The following PTPRT variants were observed in gnomAD, a reference collection of about 807,000 sequenced individuals.
PTPRT encodes the protein protein tyrosine phosphatase receptor type T, also known as receptor-type tyrosine-protein phosphatase T.
Under a neutral mutation model 176.8 loss-of-function variants are expected in PTPRT, and 56 were observed. The observed-to-expected ratio is 0.32, with a 90% CI of 0.26 to 0.40. The LOEUF is 0.40. Among genes scored for constraint, PTPRT ranks in the 10% least tolerant of loss-of-function variants. The pLI is 1.00. For synonymous variants in PTPRT, 783 were observed against 739.0 expected (o/e 1.06, Z -0.96); for missense variants, 1,540 against 1,908.2 (o/e 0.81, Z 3.60).
In PTPRT at chr20:42,610,619, T is replaced by C. The variant is rs1048261509; in HGVS notation, c.1153+67247A>G. On this transcript the variant is annotated intron_variant, in intron 7 of 30. Coordinates refer to ENST00000373187, the MANE Select transcript of PTPRT (RefSeq NM_007050.6). ...AGGAAGGGGTTTAGAATTATATAAA[T>C]AAGTCACCTGCTTGTGTGTCAGGCA... Among the ~76,000 whole-genome samples, 9 of 152,290 alleles carry C rather than the reference T, an allele frequency of 5.9e-5. No homozygotes were observed. In the East Asian group the frequency reaches 9.7e-4, roughly 16 times the overall value.
At chr20:42,769,264 G>T (rs1457668486) in intron 5 of PTPRT, among the ~76,000 whole-genome samples, 1 of 152,132 alleles carries the variant, frequency 6.6e-6, no homozygotes, top group African/African-American at 2.4e-5. Context: ...TATGCCCAAG[G>T]ATTTTTCTAA....
chr20:42,456,202 G>T (rs1421685881), intron 8 of PTPRT, among the ~76,000 whole-genome samples: 3 of 151,872 alleles, frequency 2.0e-5, no homozygotes, highest in East Asian at 1.9e-4. Context: ...CCACATACTT[G>T]TTAGGTTAAT....
At chr20:42,277,373 C>T (rs905354977) in intron 13 of PTPRT, among the ~76,000 whole-genome samples, 5 of 152,142 alleles carry the variant, frequency 3.3e-5, no homozygotes, top group Admixed American at 1.3e-4. Flanking sequence ...GCGCACCCAG[C>T]GGGAGTCTGC....
chr20:42,636,476 C>A (rs1016553417), intron 7 of PTPRT, among the ~76,000 whole-genome samples: 1 of 151,916 alleles, frequency 6.6e-6, no homozygotes, highest in Non-Finnish European at 1.5e-5. Flanking sequence ...TTTAAGAATG[C>A]CATTGGGAGG....
intron 7 of PTPRT, among the ~76,000 whole-genome samples, chr20:42,627,159 C>T (rs2074306522): frequency 6.6e-6 from 1 of 151,866 alleles, no homozygotes; most frequent in Non-Finnish European, 1.5e-5. Context: ...TTTCTTCATG[C>T]TTAAAGTCTC....
intron 2 of PTPRT, among the ~76,000 whole-genome samples, chr20:42,862,827 G>A (rs2078685022): frequency 6.6e-6 from 1 of 152,134 alleles, no homozygotes; most frequent in African/African-American, 2.4e-5. Flanking sequence ...ACCCTCTTAG[G>A]GACTGGGTGG....
At chr20:42,723,079 C>A (rs1296812192) in intron 6 of PTPRT, among the ~76,000 whole-genome samples, 2 of 152,078 alleles carry the variant, frequency 1.3e-5, no homozygotes, top group Admixed American at 1.3e-4. Context: ...AGAATGTCTT[C>A]CTAGGGGTAA....
rs907877006 is a variant in PTPRT at position 42,282,672 on chromosome 20, T to A, written c.2140-147A>T. 7.6e-6 allele frequency: 5 copies of A among 655,066 alleles called. No homozygotes were observed. In the African/African-American group the frequency reaches 9.4e-5, roughly 12 times the overall value. 40.6% of individuals were successfully genotyped at this position (655,066 alleles called of 1,614,324 possible). On this transcript the variant is annotated intron_variant, in intron 12 of 30. Coordinates refer to ENST00000373187, the MANE Select transcript of PTPRT (RefSeq NM_007050.6). Reference sequence around the variant, plus strand: ...TTTTAAATTTGCCCTTTCCATTTTTTTCCCCATCGGATGACCTTTTAATTC... The same window carrying A: ...TTTTAAATTTGCCCTTTCCATTTTTATCCCCATCGGATGACCTTTTAATTC...
intron 2 of PTPRT, among the ~76,000 whole-genome samples, chr20:42,866,715 A>G (rs778842521): frequency 8.5e-5 from 13 of 152,156 alleles, no homozygotes; most frequent in Non-Finnish European, 1.5e-5. Flanking sequence ...CCACATGACC[A>G]TGGTATCCCT....
chr20:42,590,303 C>A (rs1249284100), intron 7 of PTPRT, among the ~76,000 whole-genome samples: 2 of 152,078 alleles, frequency 1.3e-5, no homozygotes, highest in Non-Finnish European at 2.9e-5. Flanking sequence ...AATGAAGCCA[C>A]CTACCTGAGC....
rs752809259 is a variant in PTPRT at position 42,271,389 on chromosome 20, G to A, written c.2176+11100C>T. Reference sequence around the variant, plus strand: ...GTTACCTCTAGGGAGTCTTTAGTACGTCAGTGAATCTGGGACAGATGCCCC... The same window carrying A: ...GTTACCTCTAGGGAGTCTTTAGTACATCAGTGAATCTGGGACAGATGCCCC... On this transcript the variant is annotated intron_variant, in intron 13 of 30. Transcript: ENST00000373187. Among the ~76,000 whole-genome samples the A allele has an allele frequency of 5.3e-5, 8 of 152,322 alleles. No individual in the cohort carries two copies. In the South Asian group the frequency reaches 8.3e-4, roughly 16 times the overall value.
intron 3 of PTPRT, among the ~76,000 whole-genome samples, chr20:42,784,041 T>C (rs2077253587): frequency 1.3e-5 from 2 of 152,168 alleles, no homozygotes; most frequent in African/African-American, 2.4e-5. Flanking sequence ...CTACCATCTA[T>C]TGCACATGCT....
intron 12 of PTPRT, among the ~76,000 whole-genome samples, chr20:42,288,268 G>A (rs889937638): frequency 1.3e-5 from 2 of 151,952 alleles, no homozygotes; most frequent in African/African-American, 4.8e-5. Flanking sequence ...CTCTGCAAAT[G>A]TGAACATTAA....
chr20:42,183,007 C>T (rs1248485129), intron 16 of PTPRT, among the ~76,000 whole-genome samples: 1 of 151,494 alleles, frequency 6.6e-6, no homozygotes, highest in Non-Finnish European at 1.5e-5. Flanking sequence ...CTGATATAGG[C>T]AGAAACAATA....
At chr20:42,450,446 G>A (rs572354007) in intron 8 of PTPRT, among the ~76,000 whole-genome samples, 1 of 152,272 alleles carries the variant, frequency 6.6e-6, no homozygotes, top group South Asian at 2.1e-4. Context: ...GGAGAGTACA[G>A]ATTTTGTTTT....
At chr20:43,096,969 TA>T (rs1467143260) in intron 1 of PTPRT, among the ~76,000 whole-genome samples, 1 of 152,068 alleles carries the variant, frequency 6.6e-6, no homozygotes, top group Non-Finnish European at 1.5e-5. Flanking sequence ...TGGAGGAGAT[TA>T]AATTAAAAAG....
At chr20:42,446,756 T>C (rs6016798) in intron 9 of PTPRT, among the ~76,000 whole-genome samples, 70,885 of 151,852 alleles carry the variant, frequency 0.47, 17,153 homozygotes, top group Middle Eastern at 0.64. Flanking sequence ...CAAGGTGTAT[T>C]AGTATGAGTA....
intron 9 of PTPRT, among the ~76,000 whole-genome samples, chr20:42,423,672 C>T (rs760112741): frequency 5.3e-5 from 8 of 152,118 alleles, no homozygotes; most frequent in Non-Finnish European, 1.0e-4. Context: ...TTTAACAAGA[C>T]AGGAAAAAGC....
At chr20:43,144,613 T>C (rs749991049) in intron 1 of PTPRT, among the ~76,000 whole-genome samples, 9 of 152,170 alleles carry the variant, frequency 5.9e-5, no homozygotes, top group East Asian at 1.9e-4. Context: ...ATGTCCAGAA[T>C]AGGCAAATCC....
Sources: gnomAD v4.1 joint callset for allele counts (sites outside exome capture counted in the v4.1 genomes callset) on GRCh38, gnomAD v4.1.1 for gene constraint, MANE v1.5 for transcripts, NCBI Gene and HGNC (gene_info 2026-07-23, HGNC 2026-07-21) for gene names.